Variants in SLC25A18 observed in about 807,000 individuals in gnomAD.
The protein encoded by SLC25A18 is solute carrier family 25 member 18.
SLC25A18 carries 24 observed loss-of-function variants against 31.1 expected under a neutral mutation model. That is an observed-to-expected ratio of 0.77 (90% CI 0.56 to 1.08). The LOEUF (loss-of-function observed/expected upper bound fraction) is 1.08, where lower values mean the gene tolerates loss of function less well. Among genes scored for constraint, SLC25A18 ranks in the 50% least tolerant of loss-of-function variants. The pLI is 0.00. For missense variants in SLC25A18, 371 were observed against 418.5 expected (o/e 0.89, Z 0.99); for synonymous variants, 173 against 161.9 (o/e 1.07, Z -0.52).
intron 2 of SLC25A18, among the ~76,000 whole-genome samples, chr22:17,574,317 A>G (rs1020029862): frequency 6.6e-6 from 1 of 152,166 alleles, no homozygotes; most frequent in African/African-American, 2.4e-5. Flanking sequence ...GAAAATGCCA[A>G]TCAAAAAGAA....
At chr22:17,583,106 T>C (rs2057425900) in intron 6 of SLC25A18, among the ~76,000 whole-genome samples, 1 of 152,210 alleles carries the variant, frequency 6.6e-6, no homozygotes, top group African/African-American at 2.4e-5. Flanking sequence ...AAACACTTTC[T>C]AGCTCTCTCT....
At position 17,590,401 on chromosome 22, in the gene SLC25A18, G is replaced by A; in HGVS notation, c.*165G>A. On this transcript the variant is annotated 3_prime_UTR_variant, in exon 11 of 11. Transcript: ENST00000327451. ...ACAGCCCTATATTCTAACAAGTTGA[G>A]CACAGCCTTCTTCCCCTTCGTGTCT... 1 of 767,696 alleles carries A rather than the reference G, an allele frequency of 1.3e-6. No individual in the cohort carries two copies. The allele number at this position is 767,696 out of a possible 1,614,324, so 47.6% of individuals were successfully genotyped here. A position where few individuals can be genotyped will look rare whatever the true frequency, so the allele number is the denominator to read the frequency against.
intron 1 of SLC25A18, among the ~76,000 whole-genome samples, chr22:17,567,879 A>G (rs2056977410): frequency 6.6e-6 from 1 of 151,866 alleles, no homozygotes; most frequent in Non-Finnish European, 1.5e-5. Context: ...GGCCATTTTT[A>G]TACTTTCTGC....
At chr22:17,579,520 G>A (rs1412160042) in intron 2 of SLC25A18, among the ~76,000 whole-genome samples, 1 of 152,016 alleles carries the variant, frequency 6.6e-6, no homozygotes, top group Non-Finnish European at 1.5e-5. Context: ...AAATGCCCCA[G>A]ACATCCTTTC....
chr22:17,566,655 G>A (rs1283998613), intron 1 of SLC25A18, among the ~76,000 whole-genome samples: 1 of 151,946 alleles, frequency 6.6e-6, no homozygotes, highest in Admixed American at 6.6e-5. Context: ...CAGGTGATCC[G>A]CCCACCTCAG....
chr22:17,582,656 A>G lies in SLC25A18; in HGVS notation c.290+3A>G. The G allele has an allele frequency of 6.4e-7, 1 of 1,567,168 alleles. No homozygotes were observed. On this transcript the variant is annotated splice_donor_region_variant and intron_variant, in intron 6 of 10. Transcript: ENST00000327451. ...CGGCGGCTGCTCATGGAAGATGGGT[A>G]TGGCCAGGTGGGGTGGGGTTGGATC...
At chr22:17,564,685 C>T (rs2056887529) in intron 1 of SLC25A18, among the ~76,000 whole-genome samples, 1 of 151,918 alleles carries the variant, frequency 6.6e-6, no homozygotes, top group Admixed American at 6.5e-5. Context: ...CGTGAAACCC[C>T]ATCTATACTA....
Position 17,579,898 on chromosome 22 carries a change from C to A in SLC25A18, c.-47C>A. 6.3e-7 allele frequency: 1 copy of A among 1,599,322 alleles called. No individual in the cohort carries two copies. Among genetic ancestry groups the A allele is most frequent in the Non-Finnish European group, 8.5e-7 (1 of 1,173,532 alleles). On this transcript the variant is annotated 5_prime_UTR_variant, in exon 3 of 11. Coordinates refer to ENST00000327451, the MANE Select transcript of SLC25A18 (RefSeq NM_031481.3). ...CCAGACAGCCCCAACAGCGGCTACC[C>A]CAAGGAGCCAGCAGCCTTGTGTCCT...
chr22:17,585,644 ATTATTATTT>A (rs1472801196), intron 7 of SLC25A18, among the ~76,000 whole-genome samples: 66 of 133,370 alleles, frequency 4.9e-4, no homozygotes, highest in Non-Finnish European at 8.4e-4. Context: ...TATTATTATT[ATTATTATTT>A]TTTTTTTTTT....
chr22:17,570,637 A>G (rs981632914), intron 2 of SLC25A18, among the ~76,000 whole-genome samples: 1 of 152,096 alleles, frequency 6.6e-6, no homozygotes, highest in Non-Finnish European at 1.5e-5. Flanking sequence ...GGTGCATGCC[A>G]CTATGCCTGG....
chr22:17,565,281 C>T (rs2056906499), intron 1 of SLC25A18, among the ~76,000 whole-genome samples: 1 of 151,984 alleles, frequency 6.6e-6, no homozygotes, highest in Non-Finnish European at 1.5e-5. Flanking sequence ...CGGGGTTTTG[C>T]CATGTTGGCC....
rs758943614 is a variant in SLC25A18 at position 17,588,134 on chromosome 22, A to T, written c.730+55A>T. On this transcript the variant is annotated intron_variant, in intron 9 of 10. Transcript: ENST00000327451. The stretch of plus-strand genomic sequence containing the variant: ...TGGGATAAACAGTAATTTTGCACTT[A>T]TAGATAAAACAGCCTGACCCTGGAA... 4 of 1,602,952 alleles carry T rather than the reference A, an allele frequency of 2.5e-6. No individual in the cohort carries two copies. The South Asian group carries it at 4.4e-5, about 18-fold the overall frequency.
chr22:17,579,212 C>G (rs1437002028), intron 2 of SLC25A18, among the ~76,000 whole-genome samples: 1 of 152,020 alleles, frequency 6.6e-6, no homozygotes, highest in South Asian at 2.1e-4. Flanking sequence ...CCTCAGCCCC[C>G]CAGGTAGCTG....
intron 2 of SLC25A18, among the ~76,000 whole-genome samples, chr22:17,575,639 G>A (rs545667889): frequency 6.6e-6 from 1 of 152,266 alleles, no homozygotes; most frequent in South Asian, 2.1e-4. Flanking sequence ...CAGTAGCCAG[G>A]GGATGGAGTT....
intron 1 of SLC25A18, among the ~76,000 whole-genome samples, chr22:17,566,061 C>A (rs1396338700): frequency 6.6e-6 from 1 of 152,178 alleles, no homozygotes; most frequent in Non-Finnish European, 1.5e-5. Context: ...TACATTCTCA[C>A]CAGCAAGGGT....
At chr22:17,580,911 G>T in intron 3 of SLC25A18, 126 bp from the exon 4 acceptor site, 1 of 1,440,718 alleles carries the variant, frequency 6.9e-7, no homozygotes, top group Non-Finnish European at 9.2e-7. Flanking sequence ...GCTGAAGAGG[G>T]TCTCTGGACA....
In SLC25A18 at chr22:17,569,908, C is replaced by T. The variant is rs1245168668; in HGVS notation, c.-263-16C>T. 4.1e-6 allele frequency: 4 copies of T among 985,574 alleles called. No homozygotes were observed. The highest frequency in any genetic ancestry group is 4.8e-6 in the Non-Finnish European group (4 of 830,056). 61.1% of individuals were successfully genotyped at this position (985,574 alleles called of 1,614,324 possible). On this transcript the variant is annotated splice_polypyrimidine_tract_variant and intron_variant, in intron 1 of 10. Coordinates refer to ENST00000327451, the MANE Select transcript of SLC25A18 (RefSeq NM_031481.3). ...AGTCCAAGCTGGCTGACACTGAAAGCCACCTCTCCCTGCAGCTCAGCAGCG... is the reference window on the plus strand; with the variant it reads ...AGTCCAAGCTGGCTGACACTGAAAGTCACCTCTCCCTGCAGCTCAGCAGCG...
At chr22:17,572,019 G>A (rs868080822) in intron 2 of SLC25A18, among the ~76,000 whole-genome samples, 16 of 140,308 alleles carry the variant, frequency 1.1e-4, no homozygotes, top group Non-Finnish European at 2.2e-4. Context: ...TCCCGTCTCA[G>A]AAAAAAAAAA....
chr22:17,564,543 A>G (rs1481245721), intron 1 of SLC25A18, among the ~76,000 whole-genome samples: 4 of 152,138 alleles, frequency 2.6e-5, no homozygotes, highest in Admixed American at 2.0e-4. Flanking sequence ...AACAGTTTAT[A>G]TAAAGTAAAA....
Sources: allele counts gnomAD v4.1 joint callset (sites outside exome capture counted in the v4.1 genomes callset), GRCh38; gene constraint gnomAD v4.1.1; transcripts MANE v1.5; gene names NCBI Gene and HGNC (gene_info 2026-07-23, HGNC 2026-07-21).